The following PODNL1 variants were observed in gnomAD, a reference collection of about 807,000 sequenced individuals.
PODNL1 encodes the protein podocan-like protein 1.
PODNL1 carries 50 observed loss-of-function variants against 45.1 expected under a neutral mutation model. That is an observed-to-expected ratio of 1.11 (90% CI 0.88 to 1.40). The LOEUF is 1.40. PODNL1 is among the 40% of genes most tolerant of loss of function. PODNL1 has a pLI of 0.00. For synonymous variants in PODNL1, 406 were observed against 372.5 expected (o/e 1.09, Z -1.04); for missense variants, 788 against 793.3 (o/e 0.99, Z 0.08).
At chr19:13,939,098 TCTC>T (rs1194442856), upstream of PODNL1, among the ~76,000 whole-genome samples, 1 of 152,148 alleles carries the variant, frequency 6.6e-6, no homozygotes, top group Admixed American at 6.5e-5. Flanking sequence ...GACAGGTCCT[TCTC>T]CTGCCCAGAC....
chr19:13,941,601 A>G (rs1345093894), upstream of PODNL1, among the ~76,000 whole-genome samples: 2 of 152,296 alleles, frequency 1.3e-5, no homozygotes, highest in East Asian at 3.9e-4. Context: ...ACCTAAGGTC[A>G]GGAGTTCGAG....
At chr19:13,936,220 G>C in intron 3 of PODNL1, 147 bp downstream of exon 3, 1 of 961,364 alleles carries the variant, frequency 1.0e-6, no homozygotes, top group East Asian at 2.5e-5. Flanking sequence ...CCCCACCCCA[G>C]CTCCTGAGTT....
At chr19:13,935,665 G>T in intron 5 of PODNL1, 56 bp downstream of exon 5, 1 of 1,308,336 alleles carries the variant, frequency 7.6e-7, no homozygotes, top group Non-Finnish European at 1.0e-6. Flanking sequence ...TCCTAGAACC[G>T]GGGCATGACA....
chr19:13,953,017 G>C (rs917281511), intron 1 of PODNL1: 1 of 1,319,242 alleles, frequency 7.6e-7, no homozygotes, highest in Non-Finnish European at 1.1e-6. Context: ...GAACCTTCCC[G>C]CCCCCTTTGC....
At chr19:13,932,271 A>G (rs774708734) in intron 8 of PODNL1, 159 bp from the exon 9 acceptor site, 11 of 950,982 alleles carry the variant, frequency 1.2e-5, no homozygotes, top group Non-Finnish European at 1.5e-5. Context: ...CCTTCTGCAG[A>G]GGTAAACTAA....
At chr19:13,951,969 C>A (rs1350536531) in intron 1 of PODNL1, among the ~76,000 whole-genome samples, 3 of 152,234 alleles carry the variant, frequency 2.0e-5, no homozygotes, top group Admixed American at 6.5e-5. Flanking sequence ...ATCATCCCAC[C>A]AACCCGCCCA....
intron 1 of PODNL1, among the ~76,000 whole-genome samples, chr19:13,944,025 C>A (rs1972738627): frequency 1.3e-5 from 2 of 152,090 alleles, no homozygotes; most frequent in African/African-American, 4.8e-5. Context: ...CAATGTAGAT[C>A]ATTTCCATAT....
intron 1 of PODNL1, among the ~76,000 whole-genome samples, chr19:13,952,324 G>T (rs974101643): frequency 5.9e-5 from 9 of 152,236 alleles, no homozygotes; most frequent in African/African-American, 2.2e-4. Context: ...CGGGAATACG[G>T]CAACGGGCCG....
At chr19:13,932,443 C>G (rs1972015034) in intron 8 of PODNL1, 1 of 583,400 alleles carries the variant, frequency 1.7e-6, no homozygotes, top group Non-Finnish European at 2.9e-6. Context: ...CTCATTGCAG[C>G]CTCAAACTTC....
Position 13,931,281 on chromosome 19 carries a change from T to G in PODNL1, c.*456A>C, listed in dbSNP as rs1224089172. ...CCCAGTGTTTTTTCAGTGGGTGGCC[T>G]TGGGCGTCCCTGCAATCACACGTGG... On this transcript the variant is annotated 3_prime_UTR_variant, in exon 10 of 10. Transcript: ENST00000588872. 2 of 158,892 alleles carry G rather than the reference T, an allele frequency of 1.3e-5. No individual in the cohort carries two copies. The highest frequency in any genetic ancestry group is 2.7e-5 in the Non-Finnish European group (2 of 72,846). The allele number at this position is 158,892 out of a possible 1,614,324, so 9.8% of individuals were successfully genotyped here.
rs1323761826 is a variant in PODNL1, at chr19:13,935,994, C to T, written c.370G>A (p.Val124Met). 12 of 1,552,380 alleles carry T rather than the reference C, an allele frequency of 7.7e-6. No individual in the cohort carries two copies. In the South Asian group the frequency reaches 9.5e-5, roughly 12 times the overall value. ...TGGGGGCTCACCTTGTTGTGAGCCA[C>T]GCAGAGGTGCTGCAGCTGGGTGAGG... ...ESLTQLQHLC[V>M]AHNKLSVAPQ... The change falls in exon 4 of 10, where the codon GTG becomes ATG. Residue 124 changes from valine to methionine, a missense_variant. By Grantham distance (21) the Val-to-Met change is conservative. Coordinates refer to ENST00000588872, the MANE Select transcript of PODNL1 (RefSeq NM_001370095.3).
At position 13,937,667 on chromosome 19, in the gene PODNL1, C is replaced by T. The variant is rs917997535; in HGVS notation, c.225+118G>A. On this transcript the variant is annotated intron_variant, in intron 2 of 9. Coordinates refer to ENST00000588872, the MANE Select transcript of PODNL1 (RefSeq NM_001370095.3). ...TCCATCACAGCCTGCTCTGCACCGC[C>T]CTCCTGCAAGTGTGTTCCTATACCC... 8 of 936,660 alleles carry T rather than the reference C, an allele frequency of 8.5e-6. No homozygotes were observed. In the African/African-American group the frequency reaches 1.2e-4, roughly 13 times the overall value. 58.0% of individuals were successfully genotyped at this position (936,660 alleles called of 1,614,324 possible). A position where few individuals can be genotyped will look rare whatever the true frequency, so the allele number is the denominator to read the frequency against.
exon 1 of PODNL1, chr19:13,953,269 T>A: frequency 1.1e-6 from 1 of 873,776 alleles, no homozygotes; most frequent in Non-Finnish European, 1.7e-6. Context: ...CCCCCATCAG[T>A]TTGGGAGCTC....
At chr19:13,934,799 ATGTGAT>A (rs1334750243) in intron 5 of PODNL1, among the ~76,000 whole-genome samples, 1 of 151,398 alleles carries the variant, frequency 6.6e-6, no homozygotes, top group Non-Finnish European at 1.5e-5. Context: ...GAGTGTGTGC[ATGTGAT>A]TGTAAGTGTG....
At chr19:13,936,265 T>C in intron 3 of PODNL1, 102 bp downstream of exon 3, 1 of 1,217,146 alleles carries the variant, frequency 8.2e-7, no homozygotes. Context: ...TTCTGGGAAC[T>C]GCCACAGAGC....
chr19:13,944,602 T>C (rs7245477), intron 1 of PODNL1, among the ~76,000 whole-genome samples: 8,117 of 152,002 alleles, frequency 0.053, 676 homozygotes, highest in African/African-American at 0.18. Flanking sequence ...GGACTACAGG[T>C]GCAGGCCATG....
Position 13,937,773 on chromosome 19 carries a change from C to T in PODNL1, c.225+12G>A, listed in dbSNP as rs1326099365. 7.0e-6 allele frequency: 11 copies of T among 1,566,756 alleles called. No homozygotes were observed. The highest frequency in any genetic ancestry group is 3.8e-5 in the Admixed American group (2 of 52,158). ...AGCCCTGCATGCCCCCACTCCCCTC[C>T]GTGGGCCCCACCTGCAGGGAGAGGT... On this transcript the variant is annotated intron_variant, in intron 2 of 9. Transcript: ENST00000588872.
upstream of PODNL1, among the ~76,000 whole-genome samples, chr19:13,942,519 C>G (rs1228979877): frequency 1.3e-5 from 2 of 152,162 alleles, no homozygotes; most frequent in Non-Finnish European, 2.9e-5. Context: ...CTGCAACAAA[C>G]TCCCCTTCTG....
At chr19:13,946,673 T>G (rs1972824326) in intron 1 of PODNL1, among the ~76,000 whole-genome samples, 1 of 152,060 alleles carries the variant, frequency 6.6e-6, no homozygotes, top group Admixed American at 6.6e-5. Flanking sequence ...GAAAGAGTGG[T>G]CTAAATGCAC....
Sources: gnomAD v4.1 joint callset for allele counts (sites outside exome capture counted in the v4.1 genomes callset) on GRCh38, gnomAD v4.1.1 for gene constraint, MANE v1.5 for transcripts, NCBI Gene and HGNC (gene_info 2026-07-23, HGNC 2026-07-21) for gene names.